The following GABRR3 variants were observed in gnomAD, a reference collection of about 807,000 sequenced individuals.
GABRR3 encodes gamma-aminobutyric acid receptor subunit rho-3.
Under a neutral mutation model 43.2 loss-of-function variants are expected in GABRR3, and 29 were observed. That is an observed-to-expected ratio of 0.67 (90% confidence interval 0.50 to 0.92). The LOEUF is 0.92. Among genes scored for constraint, GABRR3 ranks in the 40% least tolerant of loss-of-function variants. GABRR3 has a pLI of 0.00. For missense variants in GABRR3, 576 were observed against 572.3 expected, an observed-to-expected ratio of 1.01 and a Z score of -0.07; for synonymous variants, 206 against 195.9, an observed-to-expected ratio of 1.05 and a Z score of -0.43.
Position 98,010,854 on chromosome 3 carries a change from C to G in GABRR3, c.530+1490G>C, listed in dbSNP as rs1268820670. The stretch of plus-strand genomic sequence containing the variant: ...ATGGCTCACACCTGTAACGCCAGTA[C>G]TTTGGGGGGCCGAGGCGGGCAGATC... On this transcript the variant is annotated intron_variant, in intron 5 of 9. Transcript: ENST00000621172. Among the ~76,000 whole-genome samples the G allele has an allele frequency of 5.3e-5, 8 of 152,326 alleles. No homozygotes were observed. The South Asian group carries it at 1.7e-3, about 32-fold the overall frequency.
rs747868113 is a variant in GABRR3, at chr3:98,018,314, C to T, written c.239-592G>A. Among the ~76,000 whole-genome samples, 78 of 152,242 alleles carry T rather than the reference C, an allele frequency of 5.1e-4. No homozygotes were observed. The Middle Eastern group carries it at 0.017, about 33-fold the overall frequency. ...CACAGGGACAACACAGATCAGATTC[C>T]GAAGTGTCCCTTTGCAGATCAGCAG... On this transcript the variant is annotated intron_variant, in intron 3 of 9. Coordinates refer to ENST00000621172, the Ensembl canonical transcript of GABRR3.
chr3:98,027,789 C>G (rs1225965369), intron 2 of GABRR3, among the ~76,000 whole-genome samples: 1 of 152,146 alleles, frequency 6.6e-6, no homozygotes, highest in African/African-American at 2.4e-5. Flanking sequence ...ATTTACATTT[C>G]TTCATCATAA....
chr3:98,018,770 T>C (rs1706903518), intron 3 of GABRR3, among the ~76,000 whole-genome samples: 1 of 152,058 alleles, frequency 6.6e-6, no homozygotes, highest in Admixed American at 6.6e-5. Context: ...GTTGAGAAAA[T>C]ATAAATCCTG....
intron 8 of GABRR3, among the ~76,000 whole-genome samples, chr3:97,994,717 G>C (rs1019028567): frequency 1.3e-5 from 2 of 152,240 alleles, no homozygotes; most frequent in East Asian, 3.9e-4. Context: ...CACATATCTA[G>C]GTAAATAATT....
intron 2 of GABRR3, among the ~76,000 whole-genome samples, chr3:98,029,086 G>C (rs192507177): frequency 4.4e-4 from 67 of 152,264 alleles, no homozygotes; most frequent in Admixed American, 2.4e-3. Context: ...GATTTCTTCT[G>C]TCTGAGGAGA....
chr3:97,998,111 A>T (rs1706586863), intron 8 of GABRR3: 2 of 152,118 alleles, frequency 1.3e-5, no homozygotes, highest in Admixed American at 6.6e-5. Context: ...ACCAAAAATC[A>T]AAAAGAAAAT....
At chr3:98,007,800 T>A in exon 7 of GABRR3, 1 of 1,613,560 alleles carries the variant, frequency 6.2e-7, no homozygotes, top group Non-Finnish European at 8.5e-7. Context: ...CTAGATGCAC[T>A]GAAGTCTTCA....
chr3:97,989,877 C>A (rs58965759), intron 9 of GABRR3, among the ~76,000 whole-genome samples: 1 of 152,136 alleles, frequency 6.6e-6, no homozygotes, highest in Non-Finnish European at 1.5e-5. Flanking sequence ...AAGCAACATT[C>A]TCCAAACTGC....
chr3:98,006,387 G>GCAATGTAGA (rs771806048), intron 7 of GABRR3, among the ~76,000 whole-genome samples: 1 of 152,190 alleles, frequency 6.6e-6, no homozygotes, highest in Admixed American at 6.5e-5. Context: ...TGAATCCCAA[G>GCAATGTAGA]CAATGTAGAC....
chr3:98,004,147 A>G (rs183326187), intron 7 of GABRR3, among the ~76,000 whole-genome samples: 2 of 152,168 alleles, frequency 1.3e-5, no homozygotes, highest in Non-Finnish European at 2.9e-5. Flanking sequence ...AGAGACAGTC[A>G]CCTTCAATGG....
intron 9 of GABRR3, among the ~76,000 whole-genome samples, chr3:97,987,562 C>T (rs528946549): frequency 1.4e-4 from 21 of 152,210 alleles, no homozygotes; most frequent in African/African-American, 4.8e-4. Flanking sequence ...TAGAGAGAGG[C>T]TACTATCGGA....
At chr3:97,989,451 GGGTGGTGGT>G (rs372938139) in intron 9 of GABRR3, among the ~76,000 whole-genome samples, 3 of 149,756 alleles carry the variant, frequency 2.0e-5, no homozygotes, top group Non-Finnish European at 4.5e-5. Flanking sequence ...GGTGGGTGGT[GGGTGGTGGT>G]GGTGGTGGAT....
At position 98,034,911 on chromosome 3, in the gene GABRR3, T is replaced by C. The variant is rs748089706; in HGVS notation, c.77A>G (p.Asn26Ser). The C allele has an allele frequency of 2.5e-6, 4 of 1,613,218 alleles. No homozygotes were observed. In the Admixed American group the frequency reaches 5.0e-5, roughly 20 times the overall value. ...GCACCGCTGGTGTGTCATCTTGATG[T>C]TAGAAGCAGCACAAACATTTGGTTT... Residue 26 changes from asparagine (N) to serine (S), a missense_variant, in exon 2 of 10, where the codon AAC becomes AGC. By Grantham distance (46) the Asn-to-Ser change is conservative. Coordinates refer to ENST00000621172, the Ensembl canonical transcript of GABRR3.
intron 7 of GABRR3, among the ~76,000 whole-genome samples, chr3:98,005,378 A>G (rs1037451697): frequency 6.6e-6 from 1 of 152,190 alleles, no homozygotes; most frequent in Non-Finnish European, 1.5e-5. Context: ...TATTATGGAT[A>G]AGTCTCCTTC....
At chr3:97,985,527 G>A (rs577736366), downstream of GABRR3, among the ~76,000 whole-genome samples, 1 of 152,152 alleles carries the variant, frequency 6.6e-6, no homozygotes, top group African/African-American at 2.4e-5. Flanking sequence ...TTTAACATTC[G>A]TCACATGTTT....
chr3:97,989,441 G>A (rs2107224139), intron 9 of GABRR3, among the ~76,000 whole-genome samples: 1 of 146,160 alleles, frequency 6.8e-6, no homozygotes. Flanking sequence ...GAGTAGTGGT[G>A]GTGGGTGGTG....
At chr3:98,009,324 T>C (rs1368924255) in intron 5 of GABRR3, among the ~76,000 whole-genome samples, 1 of 152,198 alleles carries the variant, frequency 6.6e-6, no homozygotes, top group Non-Finnish European at 1.5e-5. Context: ...GGCTCTGATG[T>C]CTCCAGAAAA....
chr3:98,021,201 C>T (rs1354716036), intron 3 of GABRR3, among the ~76,000 whole-genome samples: 1 of 152,066 alleles, frequency 6.6e-6, no homozygotes, highest in Non-Finnish European at 1.5e-5. Context: ...TGTCCCACTG[C>T]ACCTTATTCA....
At chr3:97,993,301 A>T (rs1268509655) in intron 8 of GABRR3, among the ~76,000 whole-genome samples, 1 of 152,204 alleles carries the variant, frequency 6.6e-6, no homozygotes, top group Non-Finnish European at 1.5e-5. Context: ...AAGGCTTCAC[A>T]GAAAACAGAG....
Sources: gnomAD v4.1 joint callset for allele counts (sites outside exome capture counted in the v4.1 genomes callset) on GRCh38, gnomAD v4.1.1 for gene constraint, MANE v1.5 for transcripts, NCBI Gene and HGNC (gene_info 2026-07-23, HGNC 2026-07-21) for gene names.